Variants in PGBD2 observed in about 807,000 individuals in gnomAD.
PGBD2 encodes the protein piggyBac transposable element-derived protein 2.
PGBD2 carries 6 observed loss-of-function variants against 8.1 expected under a neutral mutation model. The ratio of observed to expected loss-of-function variants is 0.74; its 90% confidence interval spans 0.40 to 1.46. PGBD2 has a LOEUF of 1.46. Among genes scored for constraint, PGBD2 ranks in the 40% most tolerant of loss-of-function variants. PGBD2 has a pLI of 0.02. For missense variants in PGBD2, 802 were observed against 739.0 expected (o/e 1.09, Z -0.99); for synonymous variants, 318 against 272.2 (o/e 1.17, Z -1.66).
At position 248,916,544 on chromosome 1, in the gene PGBD2, G is replaced by C. The variant is rs1662103702; in HGVS notation, c.18-58G>C. The stretch of plus-strand genomic sequence containing the variant: ...TAGTGGGAGCACCCTCCTCTTTTCT[G>C]CTGAAGCATTGGCTTTCTGGCATGG... On this transcript the variant is annotated intron_variant, in intron 2 of 2. Transcript: ENST00000329291. 2.7e-6 allele frequency: 4 copies of C among 1,487,302 alleles called. No homozygotes were observed. In the East Asian group the frequency reaches 9.0e-5, roughly 34 times the overall value. The allele number at this position is 1,487,302 out of a possible 1,614,324, so 92.1% of individuals were successfully genotyped here. A position where few individuals can be genotyped will look rare whatever the true frequency, so the allele number is the denominator to read the frequency against.
the PGBD2 span, among the ~76,000 whole-genome samples, chr1:248,875,024 G>C: frequency 6.6e-6 from 1 of 152,074 alleles, no homozygotes; most frequent in Non-Finnish European, 1.5e-5. Context: ...ATGGCCTGGC[G>C]CGGTGGCTGA....
chr1:248,925,686 A>T, the PGBD2 span, among the ~76,000 whole-genome samples: 3 of 151,758 alleles, frequency 2.0e-5, no homozygotes, highest in African/African-American at 7.3e-5. Context: ...CACATCTGAG[A>T]CATCTGTGTT....
At chr1:248,927,930 C>A in the PGBD2 span, among the ~76,000 whole-genome samples, 2 of 152,270 alleles carry the variant, frequency 1.3e-5, no homozygotes, top group Admixed American at 6.5e-5. Flanking sequence ...AAGTAATATA[C>A]TGTAAAAAGG....
At chr1:248,908,410 G>A (rs1661736406) in intron 1 of PGBD2, among the ~76,000 whole-genome samples, 1 of 152,152 alleles carries the variant, frequency 6.6e-6, no homozygotes, top group Admixed American at 6.5e-5. Context: ...TGGCACCTCT[G>A]TGCACCAGCC....
intron 1 of PGBD2, among the ~76,000 whole-genome samples, chr1:248,907,759 G>T (rs948281869): frequency 5.9e-5 from 9 of 152,300 alleles, no homozygotes; most frequent in Admixed American, 5.9e-4. Context: ...TGAGGTCAAG[G>T]TTGGAGCAAA....
chr1:248,876,464 C>G, the PGBD2 span, among the ~76,000 whole-genome samples: 1 of 152,138 alleles, frequency 6.6e-6, no homozygotes, highest in African/African-American at 2.4e-5. Context: ...TCTTAAGCAA[C>G]GTATCTTATT....
At chr1:248,899,205 A>T in the PGBD2 span, among the ~76,000 whole-genome samples, 1 of 152,172 alleles carries the variant, frequency 6.6e-6, no homozygotes, top group African/African-American at 2.4e-5. Flanking sequence ...AGAGACAGAA[A>T]ATTAACAAAA....
chr1:248,908,214 G>A (rs1271867613), intron 1 of PGBD2, among the ~76,000 whole-genome samples: 2 of 152,120 alleles, frequency 1.3e-5, no homozygotes, highest in East Asian at 3.8e-4. Flanking sequence ...ATTTTAAACA[G>A]CAGCTCTCCC....
intron 1 of PGBD2, among the ~76,000 whole-genome samples, chr1:248,911,337 T>C (rs1259448310): frequency 6.6e-6 from 1 of 151,304 alleles, no homozygotes; most frequent in Non-Finnish European, 1.5e-5. Context: ...GCATCCTGCC[T>C]TCAAGCATCT....
the PGBD2 span, among the ~76,000 whole-genome samples, chr1:248,875,584 T>C: frequency 1.3e-5 from 2 of 152,206 alleles, no homozygotes; most frequent in Admixed American, 6.5e-5. Context: ...AATTAAAAAC[T>C]CCTAAACCAC....
Position 248,913,877 on chromosome 1 carries a change from C to T in PGBD2, c.15C>T (p.Ser5=), listed in dbSNP as rs757443870. 3.1e-6 allele frequency: 5 copies of T among 1,609,038 alleles called. No individual in the cohort carries two copies. The South Asian group carries it at 4.4e-5, about 14-fold the overall frequency. MAST[S]RDVIAGRGIH... The stretch of plus-strand genomic sequence containing the variant: ...CCCAGTTCATCATGGCTTCAACATC[C>T]AGGTAGGAGTGCTGTTTGATCAAAT... Residue 5 remains serine (S), a splice_region_variant and synonymous_variant, in exon 2 of 3, where the codon TCC becomes TCT. Coordinates refer to ENST00000329291, the MANE Select transcript of PGBD2 (RefSeq NM_170725.3).
At chr1:248,928,615 T>C in the PGBD2 span, among the ~76,000 whole-genome samples, 2 of 152,338 alleles carry the variant, frequency 1.3e-5, no homozygotes, top group African/African-American at 4.8e-5. Context: ...AAAACTAATC[T>C]GTTCTCTTTC....
At chr1:248,907,228 A>T (rs939165274) in intron 1 of PGBD2, among the ~76,000 whole-genome samples, 1 of 152,266 alleles carries the variant, frequency 6.6e-6, no homozygotes, top group Non-Finnish European at 1.5e-5. Context: ...CTGGATGTGC[A>T]CGTAGGCCAC....
At chr1:248,905,905 A>G (rs191590068), upstream of PGBD2, among the ~76,000 whole-genome samples, 6 of 152,282 alleles carry the variant, frequency 3.9e-5, no homozygotes, top group Admixed American at 2.6e-4. Context: ...CAAGATTTGC[A>G]TTTCCATCGA....
the PGBD2 span, among the ~76,000 whole-genome samples, chr1:248,926,671 T>G: frequency 2.6e-5 from 4 of 152,146 alleles, no homozygotes; most frequent in Middle Eastern, 3.2e-3. Flanking sequence ...CACAACAAAA[T>G]TTAGCTGAGG....
At chr1:248,889,641 C>T in the PGBD2 span, among the ~76,000 whole-genome samples, 5 of 152,162 alleles carry the variant, frequency 3.3e-5, no homozygotes, top group East Asian at 5.8e-4. Context: ...TAAGGCAGCT[C>T]GGGGACAGGG....
intron 1 of PGBD2, among the ~76,000 whole-genome samples, chr1:248,911,080 A>G (rs1442353938): frequency 6.6e-6 from 1 of 151,022 alleles, no homozygotes; most frequent in Non-Finnish European, 1.5e-5. Context: ...TTCTGTTACT[A>G]TAGGTTAGCT....
At chr1:248,875,649 T>C in the PGBD2 span, among the ~76,000 whole-genome samples, 3 of 152,224 alleles carry the variant, frequency 2.0e-5, no homozygotes, top group Admixed American at 1.3e-4. Context: ...TGCACCTAAT[T>C]TGTTATGGTT....
the PGBD2 span, among the ~76,000 whole-genome samples, chr1:248,927,602 G>A: frequency 0.017 from 2,519 of 152,260 alleles, 82 homozygotes; most frequent in African/African-American, 0.057. Context: ...CATGTATGTG[G>A]CTGTGTCACA....
Sources: allele counts gnomAD v4.1 joint callset (sites outside exome capture counted in the v4.1 genomes callset), GRCh38; gene constraint gnomAD v4.1.1; transcripts MANE v1.5; gene names NCBI Gene and HGNC (gene_info 2026-07-23, HGNC 2026-07-21).